LIPI: variants seen among roughly 807,000 people sequenced by gnomAD.
LIPI encodes the protein lipase I.
In LIPI, 59 loss-of-function variants were observed where a neutral mutation model predicts 50.6. The observed-to-expected ratio is 1.16, with a 90% CI of 0.94 to 1.45. The LOEUF (loss-of-function observed/expected upper bound fraction) is 1.45. LIPI is among the 40% of genes most tolerant of loss of function. The pLI, the probability that LIPI is intolerant of heterozygous loss-of-function variation, is 0.00. For synonymous variants in LIPI, 203 were observed against 178.2 expected (o/e 1.14, Z -1.11); for missense variants, 586 against 536.3 (o/e 1.09, Z -0.92).
Position 14,119,488 on chromosome 21 carries a change from C to T in LIPI, c.1296-10408G>A, listed in dbSNP as rs994496781. Among the ~76,000 whole-genome samples, 11 of 152,130 alleles carry T rather than the reference C, an allele frequency of 7.2e-5. No individual in the cohort carries two copies. The East Asian group carries it at 9.6e-4, about 13-fold the overall frequency. On this transcript the variant is annotated intron_variant, in intron 9 of 9. Coordinates refer to ENST00000681601, the MANE Select transcript of LIPI (RefSeq NM_001302998.2). ...TAGCATTCCTCAGCCAGACACAAGG[C>T]GGCAAGTGCGGGAATTCCTAGGGGC... is the stretch of plus-strand genomic sequence containing the variant.
chr21:14,193,633 T>C (rs1439081091), intron 1 of LIPI, among the ~76,000 whole-genome samples: 2 of 152,084 alleles, frequency 1.3e-5, no homozygotes, highest in African/African-American at 4.8e-5. Context: ...TAAAATCTGT[T>C]ACAAGAGACA....
chr21:14,126,030 TA>T lies in LIPI; in HGVS notation c.1296-16951del, dbSNP rs146115152. Among the ~76,000 whole-genome samples, 30 of 148,360 alleles carry T rather than the reference TA, an allele frequency of 2.0e-4. 1 individual carries two copies. The highest frequency in any genetic ancestry group is 4.3e-4 in the South Asian group (2 of 4,694). ...AAAGATAAAATGAAAATCAAACATT[TA>T]AAAAAAAAAGGCTGGTGAAGGTGCA... On this transcript the variant is annotated intron_variant, in intron 9 of 9. Transcript: ENST00000681601.
chr21:14,114,199 G>T (rs999477987), intron 9 of LIPI, among the ~76,000 whole-genome samples: 1 of 150,012 alleles, frequency 6.7e-6, no homozygotes, highest in Non-Finnish European at 1.5e-5. Context: ...AAAAAGTTCT[G>T]ATCTCATGGG....
intron 4 of LIPI, among the ~76,000 whole-genome samples, chr21:14,176,463 C>A (rs2019100029): frequency 1.3e-5 from 2 of 151,652 alleles, no homozygotes; most frequent in South Asian, 4.1e-4. Flanking sequence ...ATGGCCTTTG[C>A]TGAATCCAAA....
rs1568858276 is a variant in LIPI, at chr21:14,161,622, A to ATATATTAATGTATAATATATACATTATT, written c.1006+1796_1006+1797insAATAATGTATATATTATACATTAATATA. On this transcript the variant is annotated intron_variant, in intron 7 of 9. Coordinates refer to ENST00000681601, the MANE Select transcript of LIPI (RefSeq NM_001302998.2). ...ATATTAATATATAATATACATATAT[A>ATATATTAATGTATAATATATACATTATT]ATATATTAATATATAATATATACAT... Among the ~76,000 whole-genome samples the ATATATTAATGTATAATATATACATTATT allele has an allele frequency of 1.3e-4, 12 of 95,540 alleles. 1 individual carries two copies. Among genetic ancestry groups the ATATATTAATGTATAATATATACATTATT allele is most frequent in the Admixed American group, 5.3e-4 (4 of 7,550 alleles). The allele number at this position is 95,540 out of a possible 152,430, so 62.7% of individuals were successfully genotyped here.
At chr21:14,161,085 C>G (rs2018444904) in intron 7 of LIPI, among the ~76,000 whole-genome samples, 1 of 151,134 alleles carries the variant, frequency 6.6e-6, no homozygotes. Flanking sequence ...GCTAAATGTG[C>G]AATTAGTTTC....
chr21:14,145,467 T>C (rs2017868157), intron 8 of LIPI, among the ~76,000 whole-genome samples: 1 of 152,120 alleles, frequency 6.6e-6, no homozygotes, highest in Admixed American at 6.6e-5. Context: ...GCCAGAAATG[T>C]GGGTCCCTGG....
intron 6 of LIPI, 64 bp from the exon 7 acceptor site, chr21:14,163,587 A>C (rs2018571794): frequency 7.4e-6 from 6 of 810,872 alleles, no homozygotes; most frequent in Non-Finnish European, 1.3e-5. Flanking sequence ...ATGTCAAATC[A>C]CTAAAGTAAC....
chr21:14,172,940 G>A (rs2018971404), intron 4 of LIPI, among the ~76,000 whole-genome samples: 1 of 152,062 alleles, frequency 6.6e-6, no homozygotes, highest in African/African-American at 2.4e-5. Flanking sequence ...TATAGTGGAA[G>A]GAAACCATAA....
At chr21:14,184,646 T>C (rs2019391700) in intron 3 of LIPI, among the ~76,000 whole-genome samples, 1 of 152,174 alleles carries the variant, frequency 6.6e-6, no homozygotes, top group Admixed American at 6.5e-5. Context: ...ATATAGAACC[T>C]CCATGTTTGG....
intron 7 of LIPI, among the ~76,000 whole-genome samples, chr21:14,162,344 A>T (rs1229239552): frequency 6.6e-6 from 1 of 151,696 alleles, no homozygotes; most frequent in Non-Finnish European, 1.5e-5. Context: ...GGCACAACAC[A>T]AAGATTCCTT....
chr21:14,206,904 T>A (rs773619059), intron 1 of LIPI: 1 of 1,609,690 alleles, frequency 6.2e-7, no homozygotes, highest in Non-Finnish European at 8.5e-7. Context: ...CAAGTTATTA[T>A]GTAAACATTT....
At chr21:14,169,150 CAAG>C (rs1449149524) in intron 4 of LIPI, among the ~76,000 whole-genome samples, 15 of 152,304 alleles carry the variant, frequency 9.8e-5, no homozygotes, top group African/African-American at 3.6e-4. Context: ...ATCAATTCAA[CAAG>C]AAGAGCTAAC....
intron 1 of LIPI, among the ~76,000 whole-genome samples, chr21:14,203,697 G>T (rs908572561): frequency 2.0e-5 from 3 of 152,020 alleles, no homozygotes; most frequent in Non-Finnish European, 4.4e-5. Context: ...GGTGTGGGTA[G>T]GGGGGAGGGA....
chr21:14,189,388 C>G lies in LIPI; in HGVS notation c.78G>C (p.Gln26His). 1.9e-6 allele frequency: 3 copies of G among 1,612,776 alleles called. No individual in the cohort carries two copies. Among genetic ancestry groups the G allele is most frequent in the Non-Finnish European group, 8.5e-7 (1 of 1,179,018 alleles). ...DNKRPCLEFS[Q>H]LSVKDSFRDL... ...CTCTGAAGGAATCCTTTACACTTAG[C>G]TGAGAGAATTCAAGGCATGGTCTTT... The change falls in exon 2 of 10, where the codon CAG becomes CAC. Residue 26 changes from glutamine (Q) to histidine (H), a missense_variant. By Grantham distance (24) the Gln-to-His change is conservative. Coordinates refer to ENST00000681601, the MANE Select transcript of LIPI (RefSeq NM_001302998.2).
intron 1 of LIPI, among the ~76,000 whole-genome samples, chr21:14,196,973 A>G (rs2019884940): frequency 6.6e-6 from 1 of 152,006 alleles, no homozygotes; most frequent in South Asian, 2.1e-4. Flanking sequence ...AGTTCAACAA[A>G]TAATTCTTAA....
intron 3 of LIPI, among the ~76,000 whole-genome samples, chr21:14,183,361 C>T (rs999309823): frequency 1.1e-4 from 16 of 152,192 alleles, no homozygotes; most frequent in East Asian, 5.8e-4. Context: ...AGTCTTAAAG[C>T]GATAAAAACC....
At position 14,165,109 on chromosome 21, in the gene LIPI, G is replaced by T. The variant is rs1352718097; in HGVS notation, c.901+114C>A. 23 of 747,034 alleles carry T rather than the reference G, an allele frequency of 3.1e-5. No homozygotes were observed. In the South Asian group the frequency reaches 3.4e-4, roughly 11 times the overall value. 46.3% of individuals were successfully genotyped at this position (747,034 alleles called of 1,614,324 possible). A position where few individuals can be genotyped will look rare whatever the true frequency, so the allele number is the denominator to read the frequency against. On this transcript the variant is annotated intron_variant, in intron 6 of 9. Coordinates refer to ENST00000681601, the MANE Select transcript of LIPI (RefSeq NM_001302998.2). ...TCTACAGATGATTTTTCCATAAAATGGTCATGTATTAACAAGTAAACAGAG... is the reference window on the plus strand; with the variant it reads ...TCTACAGATGATTTTTCCATAAAATTGTCATGTATTAACAAGTAAACAGAG...
At chr21:14,192,795 A>G (rs1310120037) in intron 1 of LIPI, among the ~76,000 whole-genome samples, 1 of 152,218 alleles carries the variant, frequency 6.6e-6, no homozygotes, top group Non-Finnish European at 1.5e-5. Flanking sequence ...ACATTCCAAC[A>G]TTCCCACACA....
Sources: gnomAD v4.1 joint callset for allele counts (sites outside exome capture counted in the v4.1 genomes callset) on GRCh38, gnomAD v4.1.1 for gene constraint, MANE v1.5 for transcripts, NCBI Gene and HGNC (gene_info 2026-07-23, HGNC 2026-07-21) for gene names.